Variants in CAMKMT observed in about 807,000 individuals in gnomAD.
CAMKMT encodes the protein CaM KMT.
CAMKMT carries 53 observed loss-of-function variants against 48.0 expected under a neutral mutation model. The observed-to-expected ratio is 1.10, with a 90% CI of 0.89 to 1.39. CAMKMT has a LOEUF of 1.39. CAMKMT is among the 40% of genes most tolerant of loss of function. The pLI, the probability that CAMKMT is intolerant of heterozygous loss-of-function variation, is 0.00. For missense variants in CAMKMT, 428 were observed against 402.7 expected (o/e 1.06, Z -0.54); for synonymous variants, 165 against 152.3 (o/e 1.08, Z -0.61).
intron 3 of CAMKMT, among the ~76,000 whole-genome samples, chr2:44,440,568 A>T (rs1666588621): frequency 6.6e-6 from 1 of 152,212 alleles, no homozygotes; most frequent in Admixed American, 6.5e-5. Flanking sequence ...AATTTAATGA[A>T]TTATGATAAA....
intron 3 of CAMKMT, among the ~76,000 whole-genome samples, chr2:44,690,619 C>G (rs1029085541): frequency 6.6e-6 from 1 of 152,080 alleles, no homozygotes; most frequent in African/African-American, 2.4e-5. Context: ...TGTGATCATC[C>G]ATGTAAAGTA....
intron 9 of CAMKMT, among the ~76,000 whole-genome samples, chr2:44,759,611 C>A (rs1380981489): frequency 6.6e-6 from 1 of 152,092 alleles, no homozygotes; most frequent in East Asian, 1.9e-4. Flanking sequence ...AGAGACCCAG[C>A]GACTCCTCAC....
intron 3 of CAMKMT, among the ~76,000 whole-genome samples, chr2:44,402,720 T>G (rs1682486533): frequency 6.7e-6 from 1 of 149,450 alleles, no homozygotes; most frequent in South Asian, 2.1e-4. Context: ...TCTAATTATC[T>G]TTTCATCTTT....
intron 3 of CAMKMT, among the ~76,000 whole-genome samples, chr2:44,443,121 T>A (rs1666773412): frequency 6.6e-6 from 1 of 152,198 alleles, no homozygotes; most frequent in Non-Finnish European, 1.5e-5. Flanking sequence ...AATAAATAAT[T>A]AGACTCATTT....
At chr2:44,547,205 A>G (rs534867688) in intron 3 of CAMKMT, among the ~76,000 whole-genome samples, 2 of 152,300 alleles carry the variant, frequency 1.3e-5, no homozygotes, top group Non-Finnish European at 2.9e-5. Flanking sequence ...TAGTTGAACA[A>G]TATCAGTAGT....
intron 3 of CAMKMT, among the ~76,000 whole-genome samples, chr2:44,614,836 T>C (rs1473110254): frequency 6.6e-6 from 1 of 151,952 alleles, no homozygotes. Context: ...AATTTGCTTC[T>C]TTTTCTTTTG....
At chr2:44,568,004 G>T (rs1004245930) in intron 3 of CAMKMT, among the ~76,000 whole-genome samples, 6 of 147,958 alleles carry the variant, frequency 4.1e-5, no homozygotes, top group African/African-American at 1.5e-4. Context: ...TTGCAGTTAT[G>T]ATAAGGGTCG....
chr2:44,418,927 T>C (rs187921713), intron 3 of CAMKMT, among the ~76,000 whole-genome samples: 94 of 152,336 alleles, frequency 6.2e-4, no homozygotes, highest in Non-Finnish European at 1.2e-3. Context: ...TAGTAAAGTT[T>C]TGTATTTTTC....
In CAMKMT at chr2:44,706,312, G is replaced by C; in HGVS notation, c.463G>C (p.Gly155Arg). The C allele has an allele frequency of 6.2e-7, 1 of 1,613,336 alleles. No individual in the cohort carries two copies. The highest frequency in any genetic ancestry group is 8.5e-7 in the Non-Finnish European group (1 of 1,179,514). The change falls in exon 5 of 11, where the codon GGT (glycine) becomes CGT (arginine). Residue 155 changes from glycine to arginine, a missense_variant. Transcript: ENST00000378494. Reference sequence around the variant, plus strand: ...GGCCCTTGCTGTGTGTGAGCTAGGGGGTGGCATGACATGCTTGGCTGGGCT... The same window carrying C: ...GGCCCTTGCTGTGTGTGAGCTAGGGCGTGGCATGACATGCTTGGCTGGGCT... ...FRALAVCELG[G>R]GMTCLAGLMV...
chr2:44,483,053 T>G (rs1669051383), intron 3 of CAMKMT, among the ~76,000 whole-genome samples: 1 of 152,148 alleles, frequency 6.6e-6, no homozygotes, highest in Admixed American at 6.5e-5. Flanking sequence ...ACATATAGCA[T>G]GCATGTTGTG....
intron 3 of CAMKMT, among the ~76,000 whole-genome samples, chr2:44,493,556 T>C (rs1236174602): frequency 6.6e-6 from 1 of 152,204 alleles, no homozygotes; most frequent in African/African-American, 2.4e-5. Flanking sequence ...GCTTTTTGTT[T>C]TTATTCTTCT....
At chr2:44,754,693 C>T (rs1260032875) in intron 9 of CAMKMT, among the ~76,000 whole-genome samples, 1 of 152,162 alleles carries the variant, frequency 6.6e-6, no homozygotes, top group African/African-American at 2.4e-5. Context: ...CACATTTTTA[C>T]ATTTATATAT....
chr2:44,517,038 G>A (rs747424437), intron 3 of CAMKMT, among the ~76,000 whole-genome samples: 2 of 151,912 alleles, frequency 1.3e-5, no homozygotes, highest in African/African-American at 2.4e-5. Flanking sequence ...CACCCTGCCC[G>A]GCCTTGTGGT....
At chr2:44,550,403 A>T (rs566447823) in intron 3 of CAMKMT, among the ~76,000 whole-genome samples, 1 of 152,260 alleles carries the variant, frequency 6.6e-6, no homozygotes, top group Admixed American at 6.5e-5. Flanking sequence ...AAAAGAAAAA[A>T]AAAAAGAAAG....
At chr2:44,636,880 C>T (rs551781251) in intron 3 of CAMKMT, among the ~76,000 whole-genome samples, 1 of 152,306 alleles carries the variant, frequency 6.6e-6, no homozygotes, top group African/African-American at 2.4e-5. Context: ...TGCTTTGTAG[C>T]AAATGCACCT....
At chr2:44,427,592 T>A (rs1428520390) in intron 3 of CAMKMT, among the ~76,000 whole-genome samples, 1 of 151,982 alleles carries the variant, frequency 6.6e-6, no homozygotes, top group African/African-American at 2.4e-5. Context: ...GAAAACACAA[T>A]GAGATACCAA....
intron 3 of CAMKMT, among the ~76,000 whole-genome samples, chr2:44,507,829 A>T (rs1017555259): frequency 6.6e-6 from 1 of 152,196 alleles, no homozygotes; most frequent in African/African-American, 2.4e-5. Context: ...TCATGCTGTG[A>T]AAAAAGTGTC....
At chr2:44,660,151 C>T (rs895157371) in intron 3 of CAMKMT, among the ~76,000 whole-genome samples, 5 of 152,124 alleles carry the variant, frequency 3.3e-5, no homozygotes, top group African/African-American at 1.2e-4. Context: ...GTAAAACATT[C>T]TTATAGAAGA....
chr2:44,372,641 A>G, intron 1 of CAMKMT, 75 bp from the exon 2 acceptor site: 1 of 1,384,014 alleles, frequency 7.2e-7, no homozygotes, highest in Non-Finnish European at 9.9e-7. Flanking sequence ...TACCACTTAA[A>G]TTTTGAACAT....
Sources: gnomAD v4.1 joint callset for allele counts (sites outside exome capture counted in the v4.1 genomes callset) on GRCh38, gnomAD v4.1.1 for gene constraint, MANE v1.5 for transcripts, NCBI Gene and HGNC (gene_info 2026-07-23, HGNC 2026-07-21) for gene names.